Variants in COL5A3 observed in about 807,000 individuals in gnomAD.
COL5A3 encodes the protein collagen type V alpha 3 chain, also known as collagen alpha-3(V) chain.
A neutral mutation model predicts 250.0 loss-of-function variants in COL5A3; 172 were observed. The ratio of observed to expected loss-of-function variants is 0.69; its 90% confidence interval spans 0.61 to 0.78. The LOEUF (loss-of-function observed/expected upper bound fraction) is 0.78, where lower values mean the gene tolerates loss of function less well. COL5A3 is among the 30% of genes least tolerant of loss of function. The pLI is 0.00. For missense variants in COL5A3, 2,340 were observed against 2,334.4 expected, an observed-to-expected ratio of 1.00 and a Z score of -0.05; for synonymous variants, 937 against 900.4, an observed-to-expected ratio of 1.04 and a Z score of -0.73.
At chr19:9,987,634 C>T (rs2087118862) in intron 27 of COL5A3, among the ~76,000 whole-genome samples, 1 of 151,912 alleles carries the variant, frequency 6.6e-6, no homozygotes, top group Non-Finnish European at 1.5e-5. Context: ...CCTATAGTCC[C>T]AGCTACCTGG....
At chr19:9,988,833 CAAAA>C (rs67181648) in intron 27 of COL5A3, among the ~76,000 whole-genome samples, 17 of 39,420 alleles carry the variant, frequency 4.3e-4, no homozygotes, top group East Asian at 3.2e-3. Flanking sequence ...GACTCTGTCT[CAAAA>C]AAAAAAAAAA....
At chr19:9,970,564 G>A (rs2145068459) in intron 54 of COL5A3, 58 bp downstream of exon 54, 8 of 1,210,486 alleles carry the variant, frequency 6.6e-6, no homozygotes, top group Non-Finnish European at 8.7e-6. Context: ...AGTGAGGTCT[G>A]TAAGGTGAGT....
Position 9,979,375 on chromosome 19 carries a change from A to G in COL5A3, c.2755T>C (p.Leu919=). Residue 919 remains leucine, a synonymous_variant, in exon 38 of 67, where the codon TTA becomes CTA. Coordinates refer to ENST00000264828, the MANE Select transcript of COL5A3 (RefSeq NM_015719.4). ...QTGPPGPAGV[L]GPQGKTGEVG... is the part of the protein sequence containing the mutation. ...GAGTCCACTCTGACCTGAGGGCCTA[A>G]GACACCAGCTGGTCCAGGCGGGCCT... 3 of 1,614,124 alleles carry G rather than the reference A, an allele frequency of 1.9e-6. No homozygotes were observed. The highest frequency in any genetic ancestry group is 2.5e-6 in the Non-Finnish European group (3 of 1,179,996).
rs755479916 is a variant in COL5A3 at position 9,972,964 on chromosome 19, T to A, written c.3729A>T (p.Pro1243=). 6.2e-7 allele frequency: 1 copy of A among 1,611,888 alleles called. No individual in the cohort carries two copies. The highest frequency in any genetic ancestry group is 1.1e-5 in the South Asian group (1 of 90,274). ...CCTCTCCAGGGGGACCTTTCTTGCC[T>A]GGGGGTCCAGCAGCTCCAGATGGGC... The part of the protein sequence containing the change: ...DSGPSGAAGP[P]GKKGPPGEDG... The change falls in exon 51 of 67, where the codon CCA becomes CCT. Residue 1243 remains proline, a synonymous_variant. Transcript: ENST00000264828.
At position 9,966,522 on chromosome 19, in the gene COL5A3, G is replaced by A. The variant is rs1050245430; in HGVS notation, c.4669+14C>T. On this transcript the variant is annotated intron_variant, in intron 63 of 66. Transcript: ENST00000264828. The stretch of plus-strand genomic sequence containing the variant: ...CACTCCGCCCATCCAAGTGGCGGGG[G>A]GACCGGACCTCACCATCAGGCAGGT... 1.9e-6 allele frequency: 3 copies of A among 1,539,560 alleles called. No homozygotes were observed. The highest frequency in any genetic ancestry group is 1.8e-6 in the Non-Finnish European group (2 of 1,141,552).
chr19:9,969,986 G>A (rs1028408777), intron 54 of COL5A3, 64 bp from the exon 55 acceptor site: 14 of 1,375,992 alleles, frequency 1.0e-5, no homozygotes, highest in Admixed American at 1.7e-5. Context: ...GGTGAGTGGG[G>A]TCTGGGTGAC....
rs1168724914 is a variant in COL5A3 at position 9,960,859 on chromosome 19, A to T, written c.4883T>A (p.Val1628Glu). The T allele has an allele frequency of 1.9e-6, 3 of 1,609,914 alleles. No individual in the cohort carries two copies. Residue 1628 changes from valine (V) to glutamate (E), a missense_variant, in exon 66 of 67, where the codon GTG becomes GAG. Physicochemically the swap from Val to Glu is moderately radical, Grantham distance 121. Transcript: ENST00000264828. ...FSYVDADGSP[V>E]NVVQLNFLKL... Reference sequence around the variant, plus strand: ...CAGGAAGTTCAGCTGCACGACATTCACTGGGGACCCGTCGGCGTCCACGTA... The same window carrying T: ...CAGGAAGTTCAGCTGCACGACATTCTCTGGGGACCCGTCGGCGTCCACGTA...
rs746636714 is a variant in COL5A3 at position 9,974,113 on chromosome 19, G to A, written c.3504+58C>T. Reference sequence around the variant, plus strand: ...TGTCCCTCAAATGAATCTAATGCCTGCCGCCAACCTATAACCCCACCATCC... The same window carrying A: ...TGTCCCTCAAATGAATCTAATGCCTACCGCCAACCTATAACCCCACCATCC... On this transcript the variant is annotated intron_variant, in intron 47 of 66. Coordinates refer to ENST00000264828, the MANE Select transcript of COL5A3 (RefSeq NM_015719.4). 1.9e-6 allele frequency: 3 copies of A among 1,570,496 alleles called. No individual in the cohort carries two copies. The African/African-American group carries it at 4.1e-5, about 21-fold the overall frequency.
At chr19:9,996,980 C>G (rs1315452876) in intron 11 of COL5A3, 3 of 527,022 alleles carry the variant, frequency 5.7e-6, no homozygotes, top group Non-Finnish European at 1.0e-5. Flanking sequence ...GAGAGATAGA[C>G]AGAGACAGAA....
In COL5A3 at chr19:9,968,071, A is replaced by AC; in HGVS notation, c.4322_4323insG (p.Gly1442TrpfsTer115). On this transcript the variant is annotated frameshift_variant, in exon 60 of 67. Coordinates refer to ENST00000264828, the MANE Select transcript of COL5A3 (RefSeq NM_015719.4). LOFTEE classifies it high-confidence loss of function. The surrounding 1 kb of genome is among the most constrained non-coding windows in gnomAD (Gnocchi z 4.1). ...GGTGGCCCAGAGAGCCAATGGGACC[A>AC]GGGGGACCCTAGGAAAAGGACATCG... is the stretch of plus-strand genomic sequence containing the variant. 6.3e-7 allele frequency: 1 copy of AC among 1,588,886 alleles called. No individual in the cohort carries two copies. Among genetic ancestry groups the AC allele is most frequent in the Non-Finnish European group, 8.5e-7 (1 of 1,173,576 alleles).
Position 10,006,179 on chromosome 19 carries a change from G to T in COL5A3, c.141C>A (p.Val47=), listed in dbSNP as rs774258220. 6.2e-7 allele frequency: 1 copy of T among 1,608,438 alleles called. No individual in the cohort carries two copies. The highest frequency in any genetic ancestry group is 8.5e-7 in the Non-Finnish European group (1 of 1,177,644). ...GGGGACAGAAGCCAGGCCCCTCGGGGACCCCAGCCTGGCCTCCCTGCACAC... is the reference window on the plus strand; with the variant it reads ...GGGGACAGAAGCCAGGCCCCTCGGGTACCCCAGCCTGGCCTCCCTGCACAC... ...ALGVQGGQAG[V]PEGPGFCPQR... Residue 47 remains valine (V), a synonymous_variant, in exon 2 of 67, where the codon GTC becomes GTA. Transcript: ENST00000264828.
intron 27 of COL5A3, 126 bp from the exon 28 acceptor site, chr19:9,986,884 A>G: frequency 1.1e-6 from 1 of 950,944 alleles, no homozygotes; most frequent in Non-Finnish European, 1.6e-6. Flanking sequence ...TGGGAGGGGC[A>G]GCTTCAGAAG....
At chr19:9,975,460 G>T (rs1213086237) in intron 45 of COL5A3, among the ~76,000 whole-genome samples, 7 of 152,192 alleles carry the variant, frequency 4.6e-5, no homozygotes, top group African/African-American at 1.7e-4. Flanking sequence ...TCAGAGCTGG[G>T]TTTAGGTTGG....
At position 9,978,578 on chromosome 19, in the gene COL5A3, G is replaced by T; in HGVS notation, c.3014C>A (p.Ala1005Asp). ...AGCACATGGGGTTATACTTACATTG[G>T]CCCCCACGGGCCCTGGGGGGCCCTT... is the stretch of plus-strand genomic sequence containing the variant. ...GDKGPPGPVG[A>D]NGSPGERGPL... The change falls in exon 41 of 67, where the codon GCC (alanine) becomes GAC (aspartate). Residue 1005 changes from alanine (A) to aspartate (D), a missense_variant. Ala to Asp is a moderately radical substitution (Grantham distance 126, BLOSUM62 -2). Coordinates refer to ENST00000264828, the MANE Select transcript of COL5A3 (RefSeq NM_015719.4). 1.3e-6 allele frequency: 2 copies of T among 1,577,278 alleles called. No individual in the cohort carries two copies. Among genetic ancestry groups the T allele is most frequent in the Non-Finnish European group, 1.7e-6 (2 of 1,159,334 alleles).
chr19:9,995,165 C>G (rs1320060706), intron 16 of COL5A3, among the ~76,000 whole-genome samples: 1 of 152,208 alleles, frequency 6.6e-6, no homozygotes, highest in Non-Finnish European at 1.5e-5. Flanking sequence ...GCCTCGGCCT[C>G]CCTAAGTGCT....
chr19:9,990,167 G>C (rs1156443807), intron 24 of COL5A3, among the ~76,000 whole-genome samples: 4 of 151,652 alleles, frequency 2.6e-5, no homozygotes, highest in Non-Finnish European at 5.9e-5. Flanking sequence ...GCCGAGGAGG[G>C]TGGATCACCT....
chr19:9,986,337 G>C lies in COL5A3; in HGVS notation c.2330C>G (p.Pro777Arg). Residue 777 changes from proline to arginine, a missense_variant, in exon 30 of 67, where the codon CCC (proline) becomes CGC (arginine). Pro to Arg is a moderately radical substitution (Grantham distance 103, BLOSUM62 -2). Around this residue, in one of 3 missense-constraint regions of COL5A3, gnomAD observed 1,152 missense variants for 1,146.3 expected, o/e 1.00. Transcript: ENST00000264828. ...TACCTTCTCCCCAGCTGAGCCTGGG[G>C]GCCCCTCCTCGCCAGCCTGCCCCGC... ...GQAGQAGEEG[P>R]PGSAGEKGKL... is the part of the protein sequence containing the mutation. 6.3e-7 allele frequency: 1 copy of C among 1,584,238 alleles called. No homozygotes were observed. Among genetic ancestry groups the C allele is most frequent in the Non-Finnish European group, 8.5e-7 (1 of 1,171,774 alleles).
At chr19:9,977,923 C>G (rs1481832774) in intron 41 of COL5A3, among the ~76,000 whole-genome samples, 1 of 141,342 alleles carries the variant, frequency 7.1e-6, no homozygotes, top group Non-Finnish European at 1.5e-5. Context: ...AGAACAAAAG[C>G]CATAGTCCTC....
chr19:9,962,735 A>T (rs149577329), intron 65 of COL5A3, 84 bp downstream of exon 65: 2 of 1,058,218 alleles, frequency 1.9e-6, no homozygotes, highest in African/African-American at 3.2e-5. Flanking sequence ...TCTTCATCTC[A>T]CCTCTCAGAA....
Sources: allele counts gnomAD v4.1 joint callset (sites outside exome capture counted in the v4.1 genomes callset), GRCh38; gene constraint gnomAD v4.1.1; regional missense constraint gnomAD v4.1.1; non-coding constraint Gnocchi (gnomAD v3.1); transcripts MANE v1.5; gene names NCBI Gene and HGNC (gene_info 2026-07-23, HGNC 2026-07-21).